The following OR10G4 variants were observed in gnomAD, a reference collection of about 807,000 sequenced individuals.
The protein encoded by OR10G4 is olfactory receptor family 10 subfamily G member 4.
For synonymous variants in OR10G4, 130 were observed against 159.3 expected, an observed-to-expected ratio of 0.82 and a Z score of 1.39; for missense variants, 318 against 388.8, an observed-to-expected ratio of 0.82 and a Z score of 1.53.
rs1864030352 is a variant in OR10G4, at chr11:124,017,395, T to A, written c.*885T>A. ...TTCACTTGGCAATGTCTGGAAATAT[T>A]CTTGCTTGTCACAGGCACTGGCGTC... On this transcript the variant is annotated 3_prime_UTR_variant, in exon 2 of 2. Coordinates refer to ENST00000641722, the MANE Select transcript of OR10G4 (RefSeq NM_001004462.2). The A allele has an allele frequency of 6.6e-6, 1 of 152,208 alleles. No homozygotes were observed. The highest frequency in any genetic ancestry group is 1.5e-5 in the Non-Finnish European group (1 of 68,046). 9.4% of individuals were successfully genotyped at this position (152,208 alleles called of 1,614,324 possible).
rs150219581 is a variant in OR10G4, at chr11:124,017,290, T to C, written c.*780T>C. ...ACGCACTTTATACATTTGCACCCAT[T>C]TTTAATGTTTGTTAAGATCCAATAT... On this transcript the variant is annotated 3_prime_UTR_variant, in exon 2 of 2. Transcript: ENST00000641722. The C allele has an allele frequency of 5.3e-5, 8 of 152,332 alleles. No homozygotes were observed. Among genetic ancestry groups the C allele is most frequent in the East Asian group, 3.9e-4 (2 of 5,194 alleles). 9.4% of individuals were successfully genotyped at this position (152,332 alleles called of 1,614,324 possible).
intron 1 of OR10G4, among the ~76,000 whole-genome samples, chr11:124,013,800 T>C (rs914373157): frequency 3.3e-5 from 5 of 152,208 alleles, no homozygotes; most frequent in African/African-American, 4.8e-5. Flanking sequence ...ATATCCTTCC[T>C]CTTGCATTGG....
At chr11:124,015,446 T>G in intron 1 of OR10G4, 102 bp from the exon 2 acceptor site, 1 of 1,126,894 alleles carries the variant, frequency 8.9e-7, no homozygotes. Context: ...AAGTGCAGGA[T>G]AACTCCAGAA....
At chr11:124,013,533 T>A (rs10893127) in intron 1 of OR10G4, among the ~76,000 whole-genome samples, 43,006 of 152,090 alleles carry the variant, frequency 0.28, 6,311 homozygotes, top group African/African-American at 0.37. Flanking sequence ...TTTATTTACA[T>A]GTTTGAAAAC....
At position 124,016,632 on chromosome 11, in the gene OR10G4, A is replaced by G. The variant is rs1864024056; in HGVS notation, c.*122A>G. The G allele has an allele frequency of 1.6e-6, 1 of 612,442 alleles. No homozygotes were observed. The highest frequency in any genetic ancestry group is 2.5e-5 in the South Asian group (1 of 39,944). The allele number at this position is 612,442 out of a possible 1,614,324, so 37.9% of individuals were successfully genotyped here. A position where few individuals can be genotyped will look rare whatever the true frequency, so the allele number is the denominator to read the frequency against. ...TTTATTCCAAAACACCTGCACAGTT[A>G]TAATTCTTCCACAGATTGTCTAAGA... On this transcript the variant is annotated 3_prime_UTR_variant, in exon 2 of 2. Coordinates refer to ENST00000641722, the MANE Select transcript of OR10G4 (RefSeq NM_001004462.2).
rs536414148 is a variant in OR10G4, at chr11:124,017,317, A to G, written c.*807A>G. The stretch of plus-strand genomic sequence containing the variant: ...TTAATGTTTGTTAAGATCCAATATA[A>G]AAAATTAAATCTCTTAAATATCTAG... On this transcript the variant is annotated 3_prime_UTR_variant, in exon 2 of 2. Coordinates refer to ENST00000641722, the MANE Select transcript of OR10G4 (RefSeq NM_001004462.2). The G allele has an allele frequency of 7.2e-5, 11 of 152,208 alleles. No individual in the cohort carries two copies. Among genetic ancestry groups the G allele is most frequent in the Non-Finnish European group, 1.3e-4 (9 of 68,046 alleles). The allele number at this position is 152,208 out of a possible 1,614,324, so 9.4% of individuals were successfully genotyped here.
At chr11:124,013,672 C>T (rs1177722764) in intron 1 of OR10G4, among the ~76,000 whole-genome samples, 1 of 152,164 alleles carries the variant, frequency 6.6e-6, no homozygotes, top group Non-Finnish European at 1.5e-5. Flanking sequence ...GTCTTCCCCA[C>T]AGAACAATTC....
rs1370080376 is a variant in OR10G4 at position 124,016,093 on chromosome 11, C to G, written c.519C>G (p.Ile173Met). The change falls in exon 2 of 2, where the codon ATC (isoleucine) becomes ATG (methionine). Residue 173 changes from isoleucine (I) to methionine (M), a missense_variant. Physicochemically the swap from Ile to Met is conservative, Grantham distance 10. Coordinates refer to ENST00000641722, the MANE Select transcript of OR10G4 (RefSeq NM_001004462.2). ...TGCCCTACTGTGGACCCAACCAGAT[C>G]CAGCACTACTTCTGTGACGCACCGC... The part of the protein sequence containing the change: ...FHLPYCGPNQ[I>M]QHYFCDAPPI... 2.5e-6 allele frequency: 4 copies of G among 1,613,892 alleles called. No homozygotes were observed. The Admixed American group carries it at 6.7e-5, about 27-fold the overall frequency.
At chr11:124,015,409 T>C in intron 1 of OR10G4, 139 bp from the exon 2 acceptor site, 1 of 801,062 alleles carries the variant, frequency 1.2e-6, no homozygotes, top group Non-Finnish European at 2.0e-6. Flanking sequence ...CATCATCATC[T>C]CTGTGAGGGA....
chr11:124,015,376 T>C (rs968292412), intron 1 of OR10G4, 172 bp from the exon 2 acceptor site: 7 of 659,174 alleles, frequency 1.1e-5, no homozygotes, highest in Middle Eastern at 4.0e-4. Flanking sequence ...TGTGCATGTG[T>C]GTGAGAGAGG....
At position 124,015,627 on chromosome 11, in the gene OR10G4, C is replaced by A; in HGVS notation, c.53C>A (p.Ala18Asp). Residue 18 changes from alanine to aspartate, a missense_variant, in exon 2 of 2, where the codon GCC becomes GAC. Physicochemically the swap from Ala to Asp is moderately radical, Grantham distance 126. Transcript: ENST00000641722. ...TTCATCCTCACAGGCCTTCCCCATG[C>A]CCCAGGGCTGGACGCCCTCCTCTTT... ...TAFILTGLPH[A>D]PGLDALLFGI... 1 of 1,603,852 alleles carries A rather than the reference C, an allele frequency of 6.2e-7. No homozygotes were observed. The highest frequency in any genetic ancestry group is 8.5e-7 in the Non-Finnish European group (1 of 1,174,894).
intron 1 of OR10G4, chr11:124,015,151 T>C: frequency 4.6e-6 from 1 of 217,574 alleles, no homozygotes; most frequent in Non-Finnish European, 9.2e-6. Flanking sequence ...ACTGTGGTCC[T>C]CCCATGAGAT....
In OR10G4 at chr11:124,017,138, GC is replaced by G. The variant is rs1399070628; in HGVS notation, c.*629del. Reference sequence around the variant, plus strand: ...ATTTCTAGAAACACTATTTTAATTGGCAAGAATAGCTAGCTATTAATATTTA... The same window carrying G: ...ATTTCTAGAAACACTATTTTAATTGGAAGAATAGCTAGCTATTAATATTTA... On this transcript the variant is annotated 3_prime_UTR_variant, in exon 2 of 2. Transcript: ENST00000641722. 3.3e-5 allele frequency: 5 copies of G among 151,904 alleles called. No homozygotes were observed. Among genetic ancestry groups the G allele is most frequent in the African/African-American group, 1.2e-4 (5 of 41,344 alleles). The allele number at this position is 151,904 out of a possible 1,614,324, so 9.4% of individuals were successfully genotyped here.
At chr11:124,013,566 C>T (rs1027233396) in intron 1 of OR10G4, among the ~76,000 whole-genome samples, 11 of 152,186 alleles carry the variant, frequency 7.2e-5, no homozygotes, top group African/African-American at 2.7e-4. Flanking sequence ...GTAGCTTCAG[C>T]TGCATTTCCT....
rs543960796 is a variant in OR10G4 at position 124,015,769 on chromosome 11, C to G, written c.195C>G (p.Ser65=). Residue 65 remains serine (S), a synonymous_variant, in exon 2 of 2, where the codon TCC becomes TCG. Coordinates refer to ENST00000641722, the MANE Select transcript of OR10G4 (RefSeq NM_001004462.2). ...TPMYYFLTNL[S]FIDMWFSTVT... ...TGTACTACTTCCTCACCAACCTGTC[C>G]TTCATTGACATGTGGTTCTCCACTG... 52 of 1,603,986 alleles carry G rather than the reference C, an allele frequency of 3.2e-5. No homozygotes were observed. The highest frequency in any genetic ancestry group is 2.9e-4 in the East Asian group (13 of 44,682).
At position 124,016,142 on chromosome 11, in the gene OR10G4, G is replaced by A; in HGVS notation, c.568G>A (p.Asp190Asn). 1 of 1,614,062 alleles carries A rather than the reference G, an allele frequency of 6.2e-7. No homozygotes were observed. The highest frequency in any genetic ancestry group is 8.5e-7 in the Non-Finnish European group (1 of 1,179,960). ...GCCCATCCTGAAACTGGCCTGTGCA[G>A]ACACCTCAGCCAACGTGATGGTCAT... Reference protein sequence around the residue: ...APPILKLACADTSANVMVIFV... With the variant: ...APPILKLACANTSANVMVIFV... Residue 190 changes from aspartate (D) to asparagine (N), a missense_variant, in exon 2 of 2, where the codon GAC becomes AAC. Transcript: ENST00000641722.
Position 124,016,158 on chromosome 11 carries a change from T to A in OR10G4, c.584T>A (p.Val195Glu), listed in dbSNP as rs4084209. 1,206,571 of 1,613,826 alleles carry A rather than the reference T, an allele frequency of 0.75. 454,040 individuals carry two copies. The highest frequency in any genetic ancestry group is 0.83 in the Admixed American group (49,888 of 60,006). ...GCCTGTGCAGACACCTCAGCCAACG[T>A]GATGGTCATCTTTGTGGACATTGGG... is the stretch of plus-strand genomic sequence containing the variant. The part of the protein sequence containing the change: ...KLACADTSAN[V>E]MVIFVDIGIV... Residue 195 changes from valine (V) to glutamate (E), a missense_variant, in exon 2 of 2, where the codon GTG (valine) becomes GAG (glutamate). Physicochemically the swap from Val to Glu is moderately radical, Grantham distance 121. Transcript: ENST00000641722.
intron 1 of OR10G4, chr11:124,015,175 G>T (rs146473093): frequency 3.4e-5 from 8 of 234,890 alleles, no homozygotes; most frequent in Non-Finnish European, 6.7e-5. Context: ...AGCTTCTGGG[G>T]ACACATTGAT....
rs1447239400 is a variant in OR10G4 at position 124,016,643 on chromosome 11, A to G, written c.*133A>G. 1.7e-6 allele frequency: 1 copy of G among 597,314 alleles called. No individual in the cohort carries two copies. The highest frequency in any genetic ancestry group is 2.7e-5 in the South Asian group (1 of 37,500). The allele number at this position is 597,314 out of a possible 1,614,324, so 37.0% of individuals were successfully genotyped here. ...ACACCTGCACAGTTATAATTCTTCC[A>G]CAGATTGTCTAAGACAGTTTTAACC... is the stretch of plus-strand genomic sequence containing the variant. On this transcript the variant is annotated 3_prime_UTR_variant, in exon 2 of 2. Coordinates refer to ENST00000641722, the MANE Select transcript of OR10G4 (RefSeq NM_001004462.2).
Sources: allele counts gnomAD v4.1 joint callset (sites outside exome capture counted in the v4.1 genomes callset), GRCh38; gene constraint gnomAD v4.1.1; transcripts MANE v1.5; gene names NCBI Gene and HGNC (gene_info 2026-07-23, HGNC 2026-07-21).